NFIB: variants seen among roughly 807,000 people sequenced by gnomAD.
The protein encoded by NFIB is nuclear factor 1 B-type.
Under a neutral mutation model 61.5 loss-of-function variants are expected in NFIB, and 11 were observed. That is an observed-to-expected ratio of 0.18 (90% CI 0.11 to 0.30). NFIB has a LOEUF of 0.30. Among genes scored for constraint, NFIB ranks in the 10% least tolerant of loss-of-function variants. The pLI is 1.00. For missense variants in NFIB, 471 were observed against 608.9 expected (o/e 0.77, Z 2.38); for synonymous variants, 260 against 216.5 (o/e 1.20, Z -1.76).
At position 14,313,922 on chromosome 9, in the gene NFIB, G is replaced by A; in HGVS notation, c.-411C>T. 1.0e-6 allele frequency: 1 copy of A among 965,892 alleles called. No individual in the cohort carries two copies. The highest frequency in any genetic ancestry group is 5.0e-5 in the South Asian group (1 of 20,018). The allele number at this position is 965,892 out of a possible 1,614,324, so 59.8% of individuals were successfully genotyped here. On this transcript the variant is annotated 5_prime_UTR_variant, in exon 1 of 11. Transcript: ENST00000380953. This position sits in a 1 kb window ranked among gnomAD's most constrained non-coding sequence, Gnocchi z 4.5. ...GGTTGGATTGGGGTGGTGGTTGGTG[G>A]TAAAATGCTTTTTCAAAAAAGGCGG... is the stretch of plus-strand genomic sequence containing the variant.
intron 2 of NFIB, among the ~76,000 whole-genome samples, chr9:14,230,471 G>A (rs575320403): frequency 6.6e-6 from 1 of 152,322 alleles, no homozygotes; most frequent in East Asian, 1.9e-4. Context: ...AGACTTCTTT[G>A]TTGAAGGCTT....
chr9:14,515,995 T>C, the NFIB span, among the ~76,000 whole-genome samples: 2 of 152,212 alleles, frequency 1.3e-5, no homozygotes, highest in Non-Finnish European at 2.9e-5. Context: ...GGGGAGCGGC[T>C]CCGCTTGCTC....
rs748941445 is a variant in NFIB at position 14,278,263 on chromosome 9, C to T, written c.562+28726G>A. 2.5e-4 allele frequency among the ~76,000 whole-genome samples: 38 copies of T among 152,168 alleles called. 1 individual carries two copies. The highest frequency in any genetic ancestry group is 4.6e-4 in the Admixed American group (7 of 15,282). On this transcript the variant is annotated intron_variant, in intron 2 of 10. Transcript: ENST00000380953. The stretch of plus-strand genomic sequence containing the variant: ...TCTTCTGTTGGTAGGTAAAAGTAAT[C>T]TGATGTCCAACAGAAAAGTTCACAG...
At chr9:14,117,164 C>T (rs1348597680) in intron 8 of NFIB, among the ~76,000 whole-genome samples, 1 of 152,166 alleles carries the variant, frequency 6.6e-6, no homozygotes, top group Non-Finnish European at 1.5e-5. Context: ...TTGAGTTACT[C>T]TTACATCCAT....
chr9:14,174,895 A>C (rs899584817), intron 3 of NFIB, among the ~76,000 whole-genome samples: 3 of 152,118 alleles, frequency 2.0e-5, no homozygotes, highest in African/African-American at 4.8e-5. Flanking sequence ...TCAAGGACCT[A>C]TGCGAATTTA....
At chr9:14,337,148 G>A (rs1021562172) in intron 1 of NFIB, among the ~76,000 whole-genome samples, 1 of 152,162 alleles carries the variant, frequency 6.6e-6, no homozygotes, top group African/African-American at 2.4e-5. Context: ...TTTTCTGGCT[G>A]CTACCCTAGG....
At chr9:14,500,620 C>T in the NFIB span, among the ~76,000 whole-genome samples, 1 of 152,104 alleles carries the variant, frequency 6.6e-6, no homozygotes, top group Admixed American at 6.5e-5. Flanking sequence ...ACTTTAGAAT[C>T]CCAGTGCCCA....
the NFIB span, among the ~76,000 whole-genome samples, chr9:14,446,288 A>C: frequency 6.6e-6 from 1 of 152,210 alleles, no homozygotes; most frequent in African/African-American, 2.4e-5. Context: ...ACATTGTATC[A>C]GTTCTGAAAA....
At chr9:14,476,240 C>CT in the NFIB span, among the ~76,000 whole-genome samples, 126 of 146,734 alleles carry the variant, frequency 8.6e-4, no homozygotes, top group Non-Finnish European at 1.5e-3. Context: ...TTTTTCTAAG[C>CT]TTTTTGTTTT....
At chr9:14,391,499 G>A (rs1444526231) in intron 1 of NFIB, among the ~76,000 whole-genome samples, 2 of 152,152 alleles carry the variant, frequency 1.3e-5, no homozygotes, top group Non-Finnish European at 2.9e-5. Context: ...GTAATCAGCA[G>A]CTTCCTGATA....
At chr9:14,512,502 T>A in the NFIB span, among the ~76,000 whole-genome samples, 1 of 152,208 alleles carries the variant, frequency 6.6e-6, no homozygotes, top group East Asian at 1.9e-4. Flanking sequence ...TATAACTAGA[T>A]GATTATATGG....
At chr9:14,177,691 T>C (rs1416690354) in intron 3 of NFIB, among the ~76,000 whole-genome samples, 1 of 152,144 alleles carries the variant, frequency 6.6e-6, no homozygotes, top group African/African-American at 2.4e-5. Context: ...CAACTAATCA[T>C]AAAATGTATT....
intron 6 of NFIB, among the ~76,000 whole-genome samples, chr9:14,135,861 T>G (rs2040983586): frequency 6.6e-6 from 1 of 152,174 alleles, no homozygotes; most frequent in African/African-American, 2.4e-5. Context: ...AATTCTTACT[T>G]TAATTACTGA....
Position 14,083,761 on chromosome 9 carries a change from G to T in NFIB, c.*4548C>A, listed in dbSNP as rs891174095. 4.4e-5 allele frequency: 10 copies of T among 226,116 alleles called. No individual in the cohort carries two copies. The highest frequency in any genetic ancestry group is 8.8e-6 in the Non-Finnish European group (1 of 113,356). The allele number at this position is 226,116 out of a possible 1,614,324, so 14.0% of individuals were successfully genotyped here. Reference sequence around the variant, plus strand: ...CATGTCCTGCTGTCACACCGCTGAAGATGTCCCTGTGCAATCTCTTTCGTT... The same window carrying T: ...CATGTCCTGCTGTCACACCGCTGAATATGTCCCTGTGCAATCTCTTTCGTT... On this transcript the variant is annotated 3_prime_UTR_variant, in exon 11 of 11. Coordinates refer to ENST00000380953, the MANE Select transcript of NFIB (RefSeq NM_001190737.2).
chr9:14,316,672 AACACACACAGAC>A (rs2060549395), upstream of NFIB, among the ~76,000 whole-genome samples: 1 of 152,094 alleles, frequency 6.6e-6, no homozygotes, highest in African/African-American at 2.4e-5. Context: ...TCTTAGATTA[AACACACACAGAC>A]ACACACACAC....
intron 2 of NFIB, among the ~76,000 whole-genome samples, chr9:14,278,415 T>C (rs778809321): frequency 6.6e-6 from 1 of 152,234 alleles, no homozygotes; most frequent in African/African-American, 2.4e-5. Context: ...AAGATACACA[T>C]GTTCAATCAG....
At chr9:14,439,908 T>C in the NFIB span, among the ~76,000 whole-genome samples, 9 of 152,178 alleles carry the variant, frequency 5.9e-5, no homozygotes, top group Non-Finnish European at 1.2e-4. Flanking sequence ...TATGAACCAA[T>C]ATCTCAGTCA....
chr9:14,479,141 C>T, the NFIB span, among the ~76,000 whole-genome samples: 2 of 152,146 alleles, frequency 1.3e-5, no homozygotes, highest in African/African-American at 4.8e-5. Context: ...GTCCCTCACC[C>T]AGTGAATAAA....
At chr9:14,364,382 C>A (rs2132952073) in intron 1 of NFIB, among the ~76,000 whole-genome samples, 1 of 152,308 alleles carries the variant, frequency 6.6e-6, no homozygotes, top group East Asian at 1.9e-4. Flanking sequence ...GGTGAGCCAA[C>A]TGCCCAGACA....
Sources: allele counts gnomAD v4.1 joint callset (sites outside exome capture counted in the v4.1 genomes callset), GRCh38; gene constraint gnomAD v4.1.1; non-coding constraint Gnocchi (gnomAD v3.1); transcripts MANE v1.5; gene names NCBI Gene and HGNC (gene_info 2026-07-23, HGNC 2026-07-21).